IQGAP2: variants seen among roughly 807,000 people sequenced by gnomAD.
IQGAP2 encodes IQ motif containing GTPase activating protein 2.
A neutral mutation model predicts 201.3 loss-of-function variants in IQGAP2; 173 were observed. The ratio of observed to expected loss-of-function variants is 0.86; its 90% CI spans 0.76 to 0.98. IQGAP2 has a LOEUF of 0.98. IQGAP2 is among the 50% of genes least tolerant of loss of function. The probability of loss-of-function intolerance (pLI) is 0.00; values close to 1 mark genes in which losing one functional copy is unlikely to be tolerated. For missense variants in IQGAP2, 1,687 were observed against 1,864.8 expected (o/e 0.90, Z 1.76); for synonymous variants, 675 against 673.9 (o/e 1.00, Z -0.03).
intron 19 of IQGAP2, 95 bp from the exon 20 acceptor site, chr5:76,654,839 T>C: frequency 2.6e-6 from 2 of 761,376 alleles, no homozygotes; most frequent in Non-Finnish European, 4.5e-6. Flanking sequence ...GTAGTGTCAG[T>C]TCTTAAATAC....
chr5:76,500,450 C>T (rs1232443521), intron 2 of IQGAP2, among the ~76,000 whole-genome samples: 1 of 152,186 alleles, frequency 6.6e-6, no homozygotes, highest in Non-Finnish European at 1.5e-5. Flanking sequence ...TACAGCCTTA[C>T]TCTATAGAAG....
chr5:76,414,561 C>A (rs1751311985), intron 1 of IQGAP2, among the ~76,000 whole-genome samples: 1 of 152,142 alleles, frequency 6.6e-6, no homozygotes, highest in Non-Finnish European at 1.5e-5. Flanking sequence ...TGGCTCAAGC[C>A]TGTAATCCCA....
At chr5:76,597,343 C>A in intron 9 of IQGAP2, 96 bp from the exon 10 acceptor site, 1 of 1,247,670 alleles carries the variant, frequency 8.0e-7, no homozygotes, top group Non-Finnish European at 1.1e-6. Flanking sequence ...TGAAAAGTAA[C>A]TGCTTAGGTT....
intron 20 of IQGAP2, among the ~76,000 whole-genome samples, chr5:76,657,546 G>T (rs1019285498): frequency 6.6e-6 from 1 of 152,194 alleles, no homozygotes; most frequent in Non-Finnish European, 1.5e-5. Context: ...ACTGTCAAGG[G>T]CCTAGGTGTA....
At chr5:76,621,441 T>A (rs974001334) in intron 13 of IQGAP2, among the ~76,000 whole-genome samples, 6 of 152,244 alleles carry the variant, frequency 3.9e-5, no homozygotes, top group Non-Finnish European at 5.9e-5. Context: ...ACCCTTCTGC[T>A]CACTTTTGCA....
chr5:76,612,762 G>A (rs138235709), intron 13 of IQGAP2, among the ~76,000 whole-genome samples: 131 of 152,086 alleles, frequency 8.6e-4, no homozygotes, highest in African/African-American at 2.7e-3. Flanking sequence ...GGGGAGGGGC[G>A]CACACACTCT....
chr5:76,567,697 CAT>C (rs1234416076), intron 3 of IQGAP2, among the ~76,000 whole-genome samples: 1 of 152,138 alleles, frequency 6.6e-6, no homozygotes, highest in Non-Finnish European at 1.5e-5. Flanking sequence ...TTATTTGTGC[CAT>C]CAGTTTCCTC....
intron 34 of IQGAP2, 56 bp downstream of exon 34, chr5:76,701,269 C>T: frequency 2.6e-6 from 4 of 1,559,678 alleles, no homozygotes; most frequent in Non-Finnish European, 3.5e-6. Context: ...TTCTTGTGGC[C>T]TTGGAGAGAG....
intron 25 of IQGAP2, 45 bp from the exon 26 acceptor site, chr5:76,673,907 C>A: frequency 8.7e-7 from 1 of 1,145,236 alleles, no homozygotes; most frequent in Admixed American, 1.8e-5. Context: ...TTCCTCACTC[C>A]GCCTTTTTTC....
chr5:76,417,500 G>T (rs1751476842), intron 1 of IQGAP2, among the ~76,000 whole-genome samples: 1 of 152,092 alleles, frequency 6.6e-6, no homozygotes, highest in African/African-American at 2.4e-5. Flanking sequence ...GGCCAGGCAG[G>T]TCTCGAACTC....
At chr5:76,550,847 G>A (rs1024701636) in intron 2 of IQGAP2, among the ~76,000 whole-genome samples, 3 of 152,208 alleles carry the variant, frequency 2.0e-5, no homozygotes, top group Non-Finnish European at 2.9e-5. Context: ...ATCATGGCCC[G>A]TTCTCAATGA....
At position 76,635,978 on chromosome 5, in the gene IQGAP2, G is replaced by A. The variant is rs911720349; in HGVS notation, c.1781-1056G>A. Among the ~76,000 whole-genome samples the A allele has an allele frequency of 2.6e-5, 4 of 152,204 alleles. No individual in the cohort carries two copies. In the East Asian group the frequency reaches 5.8e-4, roughly 22 times the overall value. ...CCAATGTTTCTAAACAGATGAACCA[G>A]CTGTCTGGCTGCCCATTGAAAAGAG... On this transcript the variant is annotated intron_variant, in intron 15 of 35. Coordinates refer to ENST00000274364, the MANE Select transcript of IQGAP2 (RefSeq NM_006633.5).
At chr5:76,565,393 G>A (rs1313057473) in intron 3 of IQGAP2, among the ~76,000 whole-genome samples, 1 of 152,178 alleles carries the variant, frequency 6.6e-6, no homozygotes, top group Non-Finnish European at 1.5e-5. Flanking sequence ...GAGCTTTTGT[G>A]CTACCCCCTT....
chr5:76,629,722 C>G (rs1750541516), intron 14 of IQGAP2, among the ~76,000 whole-genome samples: 1 of 152,094 alleles, frequency 6.6e-6, no homozygotes, highest in Non-Finnish European at 1.5e-5. Context: ...AATTTTTGCC[C>G]CGTTAGGGGT....
At chr5:76,627,335 C>T in intron 13 of IQGAP2, 75 bp from the exon 14 acceptor site, 3 of 957,584 alleles carry the variant, frequency 3.1e-6, no homozygotes, top group African/African-American at 1.6e-5. Flanking sequence ...TTAAATGGCT[C>T]CTCAAAAGCA....
At chr5:76,439,836 G>A (rs1752932446) in intron 1 of IQGAP2, among the ~76,000 whole-genome samples, 1 of 152,080 alleles carries the variant, frequency 6.6e-6, no homozygotes, top group Non-Finnish European at 1.5e-5. Context: ...GGAGCATTTA[G>A]GCTATTTATG....
intron 1 of IQGAP2, among the ~76,000 whole-genome samples, chr5:76,422,533 G>A (rs768665412): frequency 3.3e-5 from 5 of 152,206 alleles, no homozygotes; most frequent in Non-Finnish European, 7.3e-5. Context: ...TACTCTGTGT[G>A]GAGTTCCCAG....
At chr5:76,673,284 C>T (rs1371008082) in intron 24 of IQGAP2, among the ~76,000 whole-genome samples, 165 bp from the exon 25 acceptor site, 1 of 152,126 alleles carries the variant, frequency 6.6e-6, no homozygotes, top group Non-Finnish European at 1.5e-5. Flanking sequence ...GCAGAAGGTA[C>T]CCTCTGTGAA....
intron 16 of IQGAP2, among the ~76,000 whole-genome samples, chr5:76,639,920 A>T (rs564011820): frequency 6.6e-6 from 1 of 152,240 alleles, no homozygotes; most frequent in African/African-American, 2.4e-5. Context: ...CTAAAAATTT[A>T]TATGCCATGG....
Sources: allele counts gnomAD v4.1 joint callset (sites outside exome capture counted in the v4.1 genomes callset), GRCh38; gene constraint gnomAD v4.1.1; transcripts MANE v1.5; gene names NCBI Gene and HGNC (gene_info 2026-07-23, HGNC 2026-07-21).